METTL22: variants seen among roughly 807,000 people sequenced by gnomAD.
METTL22 encodes methyltransferase-like protein 22.
In METTL22, 51 loss-of-function variants were observed where a neutral mutation model predicts 48.4. The ratio of observed to expected loss-of-function variants is 1.05; its 90% CI spans 0.84 to 1.33. The LOEUF (loss-of-function observed/expected upper bound fraction) is 1.33, where lower values mean the gene tolerates loss of function less well. Ranked by LOEUF, METTL22 falls within the 40% of genes most tolerant of loss-of-function variation. The pLI is 0.00. For synonymous variants in METTL22, 255 were observed against 214.1 expected (o/e 1.19, Z -1.67); for missense variants, 678 against 526.9 (o/e 1.29, Z -2.81).
intron 9 of METTL22, chr16:8,642,808 AG>A: frequency 1.8e-6 from 1 of 567,948 alleles, no homozygotes. Context: ...GGGAAGCATC[AG>A]GGGCCTTGGC....
chr16:8,657,370 TTAAG>T, the METTL22 span, among the ~76,000 whole-genome samples: 1 of 152,204 alleles, frequency 6.6e-6, no homozygotes, highest in Non-Finnish European at 1.5e-5. Context: ...AAATACAATA[TTAAG>T]TAATAATGTA....
chr16:8,638,699 C>T (rs543187310), intron 5 of METTL22, among the ~76,000 whole-genome samples: 49 of 152,186 alleles, frequency 3.2e-4, no homozygotes, highest in African/African-American at 1.2e-3. Flanking sequence ...CCAACTCTTG[C>T]TCTCAATAGC....
rs968664280 is a variant in METTL22, at chr16:8,649,413, A to AT, written c.*3277dup. 2 of 152,072 alleles carry AT rather than the reference A, an allele frequency of 1.3e-5. No homozygotes were observed. The highest frequency in any genetic ancestry group is 2.1e-4 in the South Asian group (1 of 4,818). 9.4% of individuals were successfully genotyped at this position (152,072 alleles called of 1,614,324 possible). On this transcript the variant is annotated 3_prime_UTR_variant, in exon 11 of 11. Coordinates refer to ENST00000381920, the MANE Select transcript of METTL22 (RefSeq NM_024109.4). ...TAATTAGCCCAGGCCAGTGGACTCA[A>AT]TTTTTTTATAACATTTTCAGAAAAA...
At chr16:8,626,585 A>G (rs937092027) in intron 2 of METTL22, among the ~76,000 whole-genome samples, 1 of 148,860 alleles carries the variant, frequency 6.7e-6, no homozygotes, top group African/African-American at 2.5e-5. Flanking sequence ...AGTAGCTGGG[A>G]TTACCGGCAC....
intron 6 of METTL22, among the ~76,000 whole-genome samples, chr16:8,640,322 C>T (rs1177088651): frequency 6.6e-6 from 1 of 152,066 alleles, no homozygotes; most frequent in Non-Finnish European, 1.5e-5. Context: ...TTGCCTCATC[C>T]TTCTGGCATC....
At chr16:8,655,330 C>G in the METTL22 span, among the ~76,000 whole-genome samples, 2 of 152,162 alleles carry the variant, frequency 1.3e-5, no homozygotes, top group Non-Finnish European at 2.9e-5. Context: ...GATTCAGTTC[C>G]TCACCTGCTA....
chr16:8,654,355 T>C (rs1369943012), downstream of METTL22, among the ~76,000 whole-genome samples: 1 of 152,190 alleles, frequency 6.6e-6, no homozygotes, highest in African/African-American at 2.4e-5. Context: ...CTAAGGTATG[T>C]GTTTATAGGT....
At chr16:8,625,027 A>G (rs200109955) in intron 1 of METTL22, among the ~76,000 whole-genome samples, 55 of 111,006 alleles carry the variant, frequency 5.0e-4, no homozygotes, top group African/African-American at 2.2e-3. Flanking sequence ...TTTCTGGGGG[A>G]AAAAAAACCT....
Position 8,648,342 on chromosome 16 carries a change from G to T in METTL22, c.*2199G>T, listed in dbSNP as rs1289124658. 1 of 151,688 alleles carries T rather than the reference G, an allele frequency of 6.6e-6. No homozygotes were observed. Among genetic ancestry groups the T allele is most frequent in the Non-Finnish European group, 1.5e-5 (1 of 68,012 alleles). The allele number at this position is 151,688 out of a possible 1,614,324, so 9.4% of individuals were successfully genotyped here. A position where few individuals can be genotyped will look rare whatever the true frequency, so the allele number is the denominator to read the frequency against. ...CATCTCAAAAATTAAAAAGCCAGGC[G>T]AGGTGCCGGGCATGGTGGCTCATGC... On this transcript the variant is annotated 3_prime_UTR_variant, in exon 11 of 11. Transcript: ENST00000381920.
Position 8,647,263 on chromosome 16 carries a change from C to T in METTL22, c.*1120C>T, listed in dbSNP as rs8054045. The T allele has an allele frequency of 1.7e-4, 18 of 106,898 alleles. No homozygotes were observed. The East Asian group carries it at 4.5e-3, about 26-fold the overall frequency. 6.6% of individuals were successfully genotyped at this position (106,898 alleles called of 1,614,324 possible). A position where few individuals can be genotyped will look rare whatever the true frequency, so the allele number is the denominator to read the frequency against. ...ATCTTCCCAACAAATTTAGGAGGTC[C>T]GCAGCCTTGTGATACCCACATTACA... On this transcript the variant is annotated 3_prime_UTR_variant, in exon 11 of 11. Coordinates refer to ENST00000381920, the MANE Select transcript of METTL22 (RefSeq NM_024109.4).
Position 8,642,189 on chromosome 16 carries a change from A to T in METTL22, c.889A>T (p.Ile297Phe). The T allele has an allele frequency of 6.2e-7, 1 of 1,613,520 alleles. No homozygotes were observed. Among genetic ancestry groups the T allele is most frequent in the East Asian group, 2.2e-5 (1 of 44,882 alleles). Residue 297 changes from isoleucine to phenylalanine, a missense_variant, in exon 8 of 11, where the codon ATC (isoleucine) becomes TTC (phenylalanine). Coordinates refer to ENST00000381920, the MANE Select transcript of METTL22 (RefSeq NM_024109.4). ...TTCTGACTTGTACGATCACACCACC[A>T]TCCTGTTTGCAGCCGAAGGTAAGAA... ...EISDLYDHTT[I>F]LFAAEVFYDD...
the METTL22 span, among the ~76,000 whole-genome samples, chr16:8,656,661 G>A: frequency 9.2e-5 from 14 of 152,368 alleles, no homozygotes; most frequent in African/African-American, 1.4e-4. Context: ...TGTTCCAGCA[G>A]TGCTGGCCTG....
Position 8,629,067 on chromosome 16 carries a change from G to A in METTL22, c.471G>A (p.Leu157=). 6.2e-7 allele frequency: 1 copy of A among 1,613,812 alleles called. No individual in the cohort carries two copies. Among genetic ancestry groups the A allele is most frequent in the Non-Finnish European group, 8.5e-7 (1 of 1,180,014 alleles). The change falls in exon 3 of 11, where the codon CTG becomes CTA. Residue 157 remains leucine, a synonymous_variant. Transcript: ENST00000381920. The part of the protein sequence containing the change: ...MILAQEEDDV[L]GEEAQGSPHD... Reference sequence around the variant, plus strand: ...TAGCACAGGAAGAAGACGACGTCCTGGGAGAGGAAGCACAAGGCAGCCCGC... The same window carrying A: ...TAGCACAGGAAGAAGACGACGTCCTAGGAGAGGAAGCACAAGGCAGCCCGC...
chr16:8,659,005 C>T, the METTL22 span, among the ~76,000 whole-genome samples: 1 of 152,176 alleles, frequency 6.6e-6, no homozygotes, highest in Admixed American at 6.5e-5. Flanking sequence ...TCCACAAAGC[C>T]TTCCCCAGTG....
chr16:8,644,613 G>T lies in METTL22; in HGVS notation c.1067G>T (p.Arg356Leu). ...DVTCEAYDHF[R>L]SCLHALEQLA... ...ACATGTGAAGCCTACGATCACTTCC[G>T]CTCCTGCCTGCACGCGCTGGAGCAG... Residue 356 changes from arginine to leucine, a missense_variant, in exon 10 of 11, where the codon CGC (arginine) becomes CTC (leucine). Physicochemically the swap from Arg to Leu is moderately radical, Grantham distance 102. Coordinates refer to ENST00000381920, the MANE Select transcript of METTL22 (RefSeq NM_024109.4). 1 of 1,604,762 alleles carries T rather than the reference G, an allele frequency of 6.2e-7. No individual in the cohort carries two copies. The highest frequency in any genetic ancestry group is 2.3e-5 in the East Asian group (1 of 44,110).
At chr16:8,659,486 T>C in the METTL22 span, among the ~76,000 whole-genome samples, 1 of 152,128 alleles carries the variant, frequency 6.6e-6, no homozygotes, top group Non-Finnish European at 1.5e-5. Flanking sequence ...GCTGGATATT[T>C]ATGAGGTATT....
At chr16:8,652,747 G>A (rs1242511430), downstream of METTL22, among the ~76,000 whole-genome samples, 1 of 152,058 alleles carries the variant, frequency 6.6e-6, no homozygotes, top group Non-Finnish European at 1.5e-5. Flanking sequence ...GCCATACCTT[G>A]GCCCTATGTG....
chr16:8,650,353 C>T (rs185385463), downstream of METTL22, among the ~76,000 whole-genome samples: 756 of 152,314 alleles, frequency 5.0e-3, 4 homozygotes, highest in Non-Finnish European at 8.8e-3. Flanking sequence ...CCACCAACTC[C>T]GGAGTTGAGC....
chr16:8,655,708 A>G, the METTL22 span, among the ~76,000 whole-genome samples: 42 of 152,234 alleles, frequency 2.8e-4, no homozygotes, highest in Non-Finnish European at 5.1e-4. Context: ...ATCTGGAAGG[A>G]AGTGGGCAAG....
Sources: gnomAD v4.1 joint callset for allele counts (sites outside exome capture counted in the v4.1 genomes callset) on GRCh38, gnomAD v4.1.1 for gene constraint, MANE v1.5 for transcripts, NCBI Gene and HGNC (gene_info 2026-07-23, HGNC 2026-07-21) for gene names.